The following DCAF8 variants were observed in gnomAD, a reference collection of about 807,000 sequenced individuals.
The protein encoded by DCAF8 is DDB1 and CUL4 associated factor 8.
Under a neutral mutation model 68.0 loss-of-function variants are expected in DCAF8, and 20 were observed. That is an observed-to-expected ratio of 0.29 (90% confidence interval 0.21 to 0.43). The LOEUF is 0.43. Ranked by LOEUF, DCAF8 falls within the 20% of genes least tolerant of loss-of-function variation. The probability of loss-of-function intolerance (pLI) is 1.00; values close to 1 mark genes in which losing one functional copy is unlikely to be tolerated. For synonymous variants in DCAF8, 230 were observed against 276.9 expected (o/e 0.83, Z 1.68); for missense variants, 460 against 771.0 (o/e 0.60, Z 4.78).
Position 160,217,285 on chromosome 1 carries a change from C to A in DCAF8, c.*307G>T. On this transcript the variant is annotated 3_prime_UTR_variant, in exon 14 of 14. Coordinates refer to ENST00000368074, the MANE Select transcript of DCAF8 (RefSeq NM_015726.4). The stretch of plus-strand genomic sequence containing the variant: ...AGATTAAAGAAAAAGAAACCCCATT[C>A]CCTATCCCAAACCAGTTAACAAAAT... 5 of 217,488 alleles carry A rather than the reference C, an allele frequency of 2.3e-5. No individual in the cohort carries two copies. The highest frequency in any genetic ancestry group is 1.2e-4 in the Admixed American group (2 of 17,232). 13.5% of individuals were successfully genotyped at this position (217,488 alleles called of 1,614,324 possible).
At chr1:160,221,143 G>A (rs1297012045) in intron 11 of DCAF8, 1 of 152,266 alleles carries the variant, frequency 6.6e-6, no homozygotes, top group African/African-American at 2.4e-5. Context: ...AAGCAAACTG[G>A]CCTGCAGAAT....
At chr1:160,232,595 C>T (rs7538782) in intron 6 of DCAF8, among the ~76,000 whole-genome samples, 3 of 151,348 alleles carry the variant, frequency 2.0e-5, no homozygotes, top group East Asian at 3.9e-4. Flanking sequence ...GGACCAAGAT[C>T]GTGCCACTGC....
intron 6 of DCAF8, among the ~76,000 whole-genome samples, chr1:160,232,146 G>A (rs1292070516): frequency 6.6e-6 from 1 of 152,042 alleles, no homozygotes; most frequent in Admixed American, 6.6e-5. Flanking sequence ...GTAGGTAGAG[G>A]CTGCAGTGAG....
chr1:160,229,365 TA>T (rs1655591842), intron 7 of DCAF8, among the ~76,000 whole-genome samples: 1 of 152,172 alleles, frequency 6.6e-6, no homozygotes, highest in South Asian at 2.1e-4. Context: ...TTGAGGCTGA[TA>T]AGACACAGAA....
At chr1:160,254,698 G>T (rs1656757007) in intron 2 of DCAF8, among the ~76,000 whole-genome samples, 1 of 152,076 alleles carries the variant, frequency 6.6e-6, no homozygotes, top group African/African-American at 2.4e-5. Flanking sequence ...GGCTGAGGCA[G>T]GAGGACTGCT....
chr1:160,260,150 G>A (rs1657030427), intron 2 of DCAF8, among the ~76,000 whole-genome samples: 2 of 151,554 alleles, frequency 1.3e-5, no homozygotes, highest in Admixed American at 6.6e-5. Context: ...ATTACTAAGA[G>A]CTTTAAATAG....
chr1:160,233,716 T>C (rs906642269), intron 6 of DCAF8, among the ~76,000 whole-genome samples: 19 of 152,190 alleles, frequency 1.2e-4, no homozygotes, highest in African/African-American at 4.3e-4. Flanking sequence ...AAGGAATAGA[T>C]TATGAAGTAC....
chr1:160,224,373 T>C, intron 10 of DCAF8, 69 bp downstream of exon 10: 1 of 1,163,442 alleles, frequency 8.6e-7, no homozygotes, highest in Admixed American at 1.8e-5. Flanking sequence ...TTGTATAACC[T>C]GAGTAAGACA....
intron 8 of DCAF8, 152 bp from the exon 9 acceptor site, chr1:160,225,271 C>T: frequency 2.6e-6 from 2 of 766,498 alleles, no homozygotes; most frequent in East Asian, 5.4e-5. Flanking sequence ...TGAAACATGA[C>T]CACCTCAGGG....
rs375918133 is a variant in DCAF8 at position 160,224,633 on chromosome 1, G to A, written c.1202-84C>T. On this transcript the variant is annotated intron_variant, in intron 9 of 13. Coordinates refer to ENST00000368074, the MANE Select transcript of DCAF8 (RefSeq NM_015726.4). The stretch of plus-strand genomic sequence containing the variant: ...GGTGGGGGTTGGGGTGGGGCTTCTT[G>A]CCAGTAGTGCCCCCTCCAAATACCC... The A allele has an allele frequency of 8.1e-5, 81 of 996,918 alleles. No homozygotes were observed. The African/African-American group carries it at 1.2e-3, about 15-fold the overall frequency. 61.8% of individuals were successfully genotyped at this position (996,918 alleles called of 1,614,324 possible). A position where few individuals can be genotyped will look rare whatever the true frequency, so the allele number is the denominator to read the frequency against.
chr1:160,256,675 T>C (rs1239295390), intron 2 of DCAF8, among the ~76,000 whole-genome samples: 1 of 152,158 alleles, frequency 6.6e-6, no homozygotes, highest in East Asian at 1.9e-4. Context: ...ACAGCAAATA[T>C]CTAATCTAAA....
At chr1:160,239,628 A>C (rs1057361665) in intron 4 of DCAF8, 69 bp downstream of exon 4, 1 of 1,614,042 alleles carries the variant, frequency 6.2e-7, no homozygotes, top group African/African-American at 1.3e-5. Context: ...CTCCCAATCC[A>C]TGCTGCAGTT....
intron 3 of DCAF8, among the ~76,000 whole-genome samples, chr1:160,242,949 C>G (rs1656177634): frequency 6.6e-6 from 1 of 152,148 alleles, no homozygotes. Context: ...AACCACTTTC[C>G]TTTACAAAAG....
Position 160,217,251 on chromosome 1 carries a change from A to G in DCAF8, c.*341T>C. The G allele has an allele frequency of 5.9e-6, 1 of 170,926 alleles. No individual in the cohort carries two copies. The highest frequency in any genetic ancestry group is 1.2e-5 in the Non-Finnish European group (1 of 80,816). 10.6% of individuals were successfully genotyped at this position (170,926 alleles called of 1,614,324 possible). A position where few individuals can be genotyped will look rare whatever the true frequency, so the allele number is the denominator to read the frequency against. ...CCCCCCACCCCTCCCCCAGCCCAAG[A>G]AACAAGGGAGATTAAAGAAAAAGAA... On this transcript the variant is annotated 3_prime_UTR_variant, in exon 14 of 14. Coordinates refer to ENST00000368074, the MANE Select transcript of DCAF8 (RefSeq NM_015726.4).
chr1:160,251,695 T>C (rs1447391732), intron 2 of DCAF8, among the ~76,000 whole-genome samples: 2 of 152,168 alleles, frequency 1.3e-5, no homozygotes, highest in Non-Finnish European at 2.9e-5. Flanking sequence ...CTCGAACTCC[T>C]GGACTCAAGT....
chr1:160,221,852 C>A (rs1333971977), intron 11 of DCAF8, among the ~76,000 whole-genome samples: 2 of 148,342 alleles, frequency 1.3e-5, no homozygotes, highest in African/African-American at 5.0e-5. Context: ...ATAAGGTTAA[C>A]CAGATACATC....
chr1:160,240,685 T>G (rs779452991), intron 3 of DCAF8, among the ~76,000 whole-genome samples: 4 of 152,230 alleles, frequency 2.6e-5, no homozygotes, highest in African/African-American at 9.6e-5. Flanking sequence ...GCCTGATACA[T>G]CTACCATTGG....
chr1:160,233,374 T>G (rs1037836789), intron 6 of DCAF8, among the ~76,000 whole-genome samples: 1 of 152,002 alleles, frequency 6.6e-6, no homozygotes, highest in African/African-American at 2.4e-5. Flanking sequence ...CATAGTGAGC[T>G]CCCATCTCTA....
intron 3 of DCAF8, 145 bp from the exon 4 acceptor site, chr1:160,240,515 T>A: frequency 1.4e-6 from 1 of 714,252 alleles, no homozygotes; most frequent in Non-Finnish European, 2.2e-6. Flanking sequence ...TTACAGAGAG[T>A]ACCCTCTGAG....
Sources: allele counts gnomAD v4.1 joint callset (sites outside exome capture counted in the v4.1 genomes callset), GRCh38; gene constraint gnomAD v4.1.1; transcripts MANE v1.5; gene names NCBI Gene and HGNC (gene_info 2026-07-23, HGNC 2026-07-21).